MMUT: variants seen among roughly 807,000 people sequenced by gnomAD.
MMUT encodes the protein methylmalonyl-CoA mutase, mitochondrial.
Under a neutral mutation model 79.9 loss-of-function variants are expected in MMUT, and 79 were observed. That is an observed-to-expected ratio of 0.99 (90% CI 0.82 to 1.19). MMUT has a LOEUF of 1.19. Among genes scored for constraint, MMUT ranks in the 50% most tolerant of loss-of-function variants. The probability of loss-of-function intolerance (pLI) is 0.00; values close to 1 mark genes in which losing one functional copy is unlikely to be tolerated. For missense variants in MMUT, 860 were observed against 917.2 expected (o/e 0.94, Z 0.81); for synonymous variants, 273 against 295.7 (o/e 0.92, Z 0.79).
At chr6:49,454,318 C>A (rs1011223075) in intron 4 of MMUT, among the ~76,000 whole-genome samples, 6 of 152,050 alleles carry the variant, frequency 3.9e-5, no homozygotes, top group Non-Finnish European at 8.8e-5. Flanking sequence ...TTTGGAAGTT[C>A]TTTTTTTGAG....
rs200596762 is a variant in MMUT at position 49,457,762 on chromosome 6, G to A, written c.682C>T (p.Arg228Ter). Residue 228 changes from arginine to a stop codon, truncating the protein, a stop_gained, in exon 3 of 13, where the codon CGA (arginine) becomes TGA (stop). Coordinates refer to ENST00000274813, the MANE Select transcript of MMUT (RefSeq NM_000255.4). LOFTEE classifies it high-confidence loss of function. ...QNDILKEFMV[R>*]NTYIFPPEPS... is the part of the protein sequence containing the mutation. Reference sequence around the variant, plus strand: ...TCTGGAGGAAAAATGTATGTATTTCGAACCATAAATTCCTTTAGTATATCA... The same window carrying A: ...TCTGGAGGAAAAATGTATGTATTTCAAACCATAAATTCCTTTAGTATATCA... 62 of 1,611,646 alleles carry A rather than the reference G, an allele frequency of 3.8e-5. No homozygotes were observed. The highest frequency in any genetic ancestry group is 1.8e-4 in the Admixed American group (11 of 59,912).
intron 1 of MMUT, among the ~76,000 whole-genome samples, chr6:49,460,207 A>AAT (rs776436905): frequency 6.6e-5 from 10 of 152,220 alleles, no homozygotes; most frequent in Non-Finnish European, 4.4e-5. Context: ...AGTAACATAG[A>AAT]AGGCTATAAA....
chr6:49,461,302 G>T (rs1767834091), intron 1 of MMUT, among the ~76,000 whole-genome samples: 1 of 152,120 alleles, frequency 6.6e-6, no homozygotes. Flanking sequence ...TATGTTTTAT[G>T]CAGTTTCTGT....
chr6:49,444,345 T>C (rs559846633), intron 9 of MMUT, among the ~76,000 whole-genome samples: 5 of 152,268 alleles, frequency 3.3e-5, no homozygotes, highest in African/African-American at 1.2e-4. Context: ...CCTGGTGATA[T>C]ACTTGAGAGT....
chr6:49,432,481 G>T (rs529285235), intron 12 of MMUT, among the ~76,000 whole-genome samples: 1 of 151,934 alleles, frequency 6.6e-6, no homozygotes, highest in African/African-American at 2.4e-5. Context: ...TCCGCCTCCC[G>T]GGTTCACGCC....
intron 5 of MMUT, among the ~76,000 whole-genome samples, chr6:49,452,067 C>T (rs1199849332): frequency 6.6e-6 from 1 of 152,024 alleles, no homozygotes; most frequent in Non-Finnish European, 1.5e-5. Context: ...TTTTGTCTAC[C>T]TCACAGTATC....
rs1767291721 is a variant in MMUT, at chr6:49,442,062, T to C, written c.1677-91A>G. 7.5e-6 allele frequency: 10 copies of C among 1,333,112 alleles called. No homozygotes were observed. In the South Asian group the frequency reaches 1.3e-4, roughly 17 times the overall value. 82.6% of individuals were successfully genotyped at this position (1,333,112 alleles called of 1,614,324 possible). On this transcript the variant is annotated intron_variant, in intron 9 of 12. Coordinates refer to ENST00000274813, the MANE Select transcript of MMUT (RefSeq NM_000255.4). ...ATATTCAATATAATTAAACATTTTA[T>C]TACATAAGTAAATGACTGTAAAAAT...
intron 6 of MMUT, among the ~76,000 whole-genome samples, chr6:49,449,748 T>C (rs1228589901): frequency 6.6e-6 from 1 of 152,104 alleles, no homozygotes; most frequent in African/African-American, 2.4e-5. Context: ...ATATCATGAA[T>C]TCAGAATATA....
intron 12 of MMUT, among the ~76,000 whole-genome samples, chr6:49,432,168 A>G (rs1418481073): frequency 6.6e-6 from 1 of 152,180 alleles, no homozygotes; most frequent in Admixed American, 6.5e-5. Context: ...ATTTTCTCTC[A>G]CCTAAATTTT....
intron 3 of MMUT, among the ~76,000 whole-genome samples, chr6:49,457,429 G>GT (rs1767717150): frequency 1.3e-5 from 2 of 152,190 alleles, no homozygotes; most frequent in Non-Finnish European, 2.9e-5. Context: ...ATTTAAAAAT[G>GT]TAAGTAGAAG....
intron 5 of MMUT, 144 bp from the exon 6 acceptor site, chr6:49,451,858 G>C: frequency 3.1e-6 from 3 of 966,906 alleles, no homozygotes; most frequent in Non-Finnish European, 4.6e-6. Context: ...AATAAATTCA[G>C]ACAAATTAGT....
Position 49,447,654 on chromosome 6 carries a change from A to G in MMUT, c.1560+16T>C. ...GAAAATACTTAAAAAAAAAAAAAAA[A>G]GCAAGCTATTAATACCTTCTTAAGT... On this transcript the variant is annotated intron_variant, in intron 8 of 12. Transcript: ENST00000274813. The G allele has an allele frequency of 6.8e-7, 1 of 1,459,864 alleles. No homozygotes were observed. The highest frequency in any genetic ancestry group is 9.6e-7 in the Non-Finnish European group (1 of 1,043,954). 90.4% of individuals were successfully genotyped at this position (1,459,864 alleles called of 1,614,324 possible). A position where few individuals can be genotyped will look rare whatever the true frequency, so the allele number is the denominator to read the frequency against.
intron 11 of MMUT, 147 bp downstream of exon 11, chr6:49,440,059 G>T: frequency 9.3e-7 from 1 of 1,080,956 alleles, no homozygotes; most frequent in Non-Finnish European, 1.4e-6. Flanking sequence ...CAGGAATGGA[G>T]AGAAAGGCAT....
At chr6:49,459,562 T>C in intron 1 of MMUT, 57 bp from the exon 2 acceptor site, 1 of 1,302,410 alleles carries the variant, frequency 7.7e-7, no homozygotes, top group Non-Finnish European at 1.1e-6. Context: ...AAATAGGAGC[T>C]ACTCATAAGA....
At chr6:49,435,751 CCAA>C (rs1767107265) in intron 11 of MMUT, 128 bp from the exon 12 acceptor site, 16 of 1,010,164 alleles carry the variant, frequency 1.6e-5, no homozygotes, top group Admixed American at 2.8e-5. Context: ...GATGAAGATG[CCAA>C]AAGCAATTAC....
intron 11 of MMUT, 72 bp from the exon 12 acceptor site, chr6:49,435,695 A>G (rs1194578434): frequency 4.1e-6 from 6 of 1,467,606 alleles, no homozygotes; most frequent in Non-Finnish European, 4.7e-6. Flanking sequence ...CTGGAAGACA[A>G]TCTAGGCAAT....
intron 3 of MMUT, among the ~76,000 whole-genome samples, chr6:49,456,602 T>C (rs2127419580): frequency 6.6e-6 from 1 of 152,288 alleles, no homozygotes; most frequent in African/African-American, 2.4e-5. Flanking sequence ...TTGGACCTCA[T>C]AAGAGGTTGT....
chr6:49,434,475 C>A (rs934153850), intron 12 of MMUT, among the ~76,000 whole-genome samples: 1 of 152,128 alleles, frequency 6.6e-6, no homozygotes, highest in Non-Finnish European at 1.5e-5. Context: ...AACAAGGTCA[C>A]ATTTTACTGA....
At chr6:49,459,613 T>A (rs1480461131) in intron 1 of MMUT, 108 bp from the exon 2 acceptor site, 2 of 892,628 alleles carry the variant, frequency 2.2e-6, no homozygotes, top group African/African-American at 3.4e-5. Flanking sequence ...TCTGATTTCA[T>A]TTCTTCCCCT....
Sources: allele counts gnomAD v4.1 joint callset (sites outside exome capture counted in the v4.1 genomes callset), GRCh38; gene constraint gnomAD v4.1.1; transcripts MANE v1.5; gene names NCBI Gene and HGNC (gene_info 2026-07-23, HGNC 2026-07-21).